The following HAUS2 variants were observed in gnomAD, a reference collection of about 807,000 sequenced individuals.
HAUS2 encodes HAUS augmin like complex subunit 2, also known as HAUS augmin-like complex subunit 2.
HAUS2 carries 20 observed loss-of-function variants against 21.6 expected under a neutral mutation model. The ratio of observed to expected loss-of-function variants is 0.93; its 90% CI spans 0.65 to 1.35. The LOEUF (loss-of-function observed/expected upper bound fraction) is 1.35, where lower values mean the gene tolerates loss of function less well. HAUS2 is among the 40% of genes most tolerant of loss of function. The probability of loss-of-function intolerance (pLI) is 0.00; values close to 1 mark genes in which losing one functional copy is unlikely to be tolerated. For synonymous variants in HAUS2, 113 were observed against 95.6 expected, an observed-to-expected ratio of 1.18 and a Z score of -1.06; for missense variants, 297 against 280.7, an observed-to-expected ratio of 1.06 and a Z score of -0.42.
chr15:42,558,394 C>T (rs1032736917), intron 2 of HAUS2, 104 bp downstream of exon 2: 25 of 555,174 alleles, frequency 4.5e-5, no homozygotes, highest in African/African-American at 3.6e-4. Flanking sequence ...GTGGCACAAT[C>T]TCGGCTCACT....
At position 42,557,502 on chromosome 15, in the gene HAUS2, T is replaced by C. The variant is rs150941421; in HGVS notation, c.94-696T>C. On this transcript the variant is annotated intron_variant, in intron 1 of 5. Transcript: ENST00000260372. ...TTATATATAATATATACATTGTATA[T>C]AATGTATATATTATATATATATGAA... 1.9e-3 allele frequency among the ~76,000 whole-genome samples: 208 copies of C among 110,536 alleles called. 4 individuals carry two copies. The highest frequency in any genetic ancestry group is 4.2e-3 in the Middle Eastern group (1 of 238). The allele number at this position is 110,536 out of a possible 152,430, so 72.5% of individuals were successfully genotyped here. A position where few individuals can be genotyped will look rare whatever the true frequency, so the allele number is the denominator to read the frequency against.
At chr15:42,549,023 C>T in intron 1 of HAUS2, 58 bp downstream of exon 1, 1 of 1,100,678 alleles carries the variant, frequency 9.1e-7, no homozygotes, top group South Asian at 1.3e-5. Flanking sequence ...AACAATATGG[C>T]TGTGAGTTGG....
chr15:42,559,298 C>A, intron 2 of HAUS2, 41 bp from the exon 3 acceptor site: 1 of 1,262,064 alleles, frequency 7.9e-7, no homozygotes, highest in Non-Finnish European at 1.2e-6. Context: ...GCCATGGACA[C>A]TTTCTGATTG....
At chr15:42,555,880 A>C (rs963667229) in intron 1 of HAUS2, among the ~76,000 whole-genome samples, 1 of 152,224 alleles carries the variant, frequency 6.6e-6, no homozygotes, top group Non-Finnish European at 1.5e-5. Flanking sequence ...GATAGTGTGT[A>C]AATGGATGAG....
At chr15:42,553,721 A>T (rs1464436372) in intron 1 of HAUS2, among the ~76,000 whole-genome samples, 2 of 152,312 alleles carry the variant, frequency 1.3e-5, no homozygotes, top group African/African-American at 4.8e-5. Context: ...TGAACCCGAC[A>T]GTTTACTAGT....
Position 42,561,330 on chromosome 15 carries a change from A to G in HAUS2, c.317A>G (p.Lys106Arg), listed in dbSNP as rs770081724. 1.3e-6 allele frequency: 2 copies of G among 1,560,026 alleles called. No individual in the cohort carries two copies. Among genetic ancestry groups the G allele is most frequent in the South Asian group, 1.1e-5 (1 of 89,996 alleles). ...NNHLEAVLKEKRSLRQRLLKP... is the reference protein window; with the variant it reads ...NNHLEAVLKERRSLRQRLLKP... ...CATTTGGAAGCAGTGCTGAAAGAGA[A>G]GAGATCCCTTAGGCAAAGACTGTTG... is the stretch of plus-strand genomic sequence containing the variant. The change falls in exon 4 of 6, where the codon AAG (lysine) becomes AGG (arginine). Residue 106 changes from lysine to arginine, a missense_variant. Lys to Arg is a conservative substitution (Grantham distance 26). Coordinates refer to ENST00000260372, the MANE Select transcript of HAUS2 (RefSeq NM_018097.3).
chr15:42,558,026 G>A (rs1306301410), intron 1 of HAUS2, among the ~76,000 whole-genome samples, 172 bp from the exon 2 acceptor site: 1 of 151,982 alleles, frequency 6.6e-6, no homozygotes, highest in East Asian at 1.9e-4. Flanking sequence ...TTGTGATGGT[G>A]AAGGTTCTAA....
At chr15:42,564,039 G>T (rs1185490579) in intron 5 of HAUS2, among the ~76,000 whole-genome samples, 182 bp downstream of exon 5, 1 of 152,074 alleles carries the variant, frequency 6.6e-6, no homozygotes, top group Non-Finnish European at 1.5e-5. Flanking sequence ...GCCACAACGG[G>T]TGGATCACTT....
intron 1 of HAUS2, among the ~76,000 whole-genome samples, chr15:42,549,908 G>T (rs1334519954): frequency 1.3e-5 from 2 of 151,878 alleles, no homozygotes; most frequent in African/African-American, 2.4e-5. Flanking sequence ...GGTTGGGCAA[G>T]AGGAGCATGT....
intron 2 of HAUS2, among the ~76,000 whole-genome samples, chr15:42,558,528 C>T (rs1462835511): frequency 3.3e-5 from 5 of 151,790 alleles, no homozygotes; most frequent in Non-Finnish European, 7.4e-5. Context: ...GGGGTTTCAC[C>T]ATGTTAGCCA....
intron 5 of HAUS2, among the ~76,000 whole-genome samples, chr15:42,564,940 A>T (rs1404823709): frequency 1.3e-5 from 2 of 152,132 alleles, no homozygotes; most frequent in Non-Finnish European, 2.9e-5. Context: ...GGTTCAAGCG[A>T]TTCTCCTGCC....
chr15:42,559,276 C>T (rs1595552606), intron 2 of HAUS2, 63 bp from the exon 3 acceptor site: 1 of 927,034 alleles, frequency 1.1e-6, no homozygotes, highest in East Asian at 2.4e-5. Context: ...CAGGAGTGAG[C>T]CACCGCACCT....
chr15:42,567,400 C>CA lies in HAUS2; in HGVS notation c.*592dup, dbSNP rs531873864. ...TGGGCGACACAGTAAGACCCTGTCT[C>CA]AAAAAAAAGAAGTGTGTTTCTGGCC... is the stretch of plus-strand genomic sequence containing the variant. On this transcript the variant is annotated 3_prime_UTR_variant, in exon 6 of 6. Transcript: ENST00000260372. The CA allele has an allele frequency of 4.6e-5, 7 of 152,612 alleles. No homozygotes were observed. Among genetic ancestry groups the CA allele is most frequent in the East Asian group, 3.9e-4 (2 of 5,188 alleles). 9.5% of individuals were successfully genotyped at this position (152,612 alleles called of 1,614,324 possible).
intron 1 of HAUS2, 75 bp from the exon 2 acceptor site, chr15:42,558,123 T>C (rs767497551): frequency 1.4e-6 from 1 of 691,292 alleles, no homozygotes; most frequent in Admixed American, 2.5e-5. Flanking sequence ...TATTTTAGAC[T>C]ATGGGCATGC....
chr15:42,560,241 T>C (rs2057834842), intron 3 of HAUS2, among the ~76,000 whole-genome samples: 1 of 152,200 alleles, frequency 6.6e-6, no homozygotes, highest in African/African-American at 2.4e-5. Context: ...ATTGGTAGTA[T>C]TGTATTAATG....
intron 3 of HAUS2, among the ~76,000 whole-genome samples, chr15:42,560,595 T>C (rs2057839083): frequency 6.6e-6 from 1 of 151,576 alleles, no homozygotes; most frequent in Non-Finnish European, 1.5e-5. Flanking sequence ...AATAATGAGA[T>C]AATCAGAAAT....
intron 1 of HAUS2, 77 bp downstream of exon 1, chr15:42,549,042 G>A (rs769559137): frequency 2.8e-5 from 26 of 939,620 alleles, no homozygotes; most frequent in Non-Finnish European, 4.0e-5. Flanking sequence ...GGTGCTGCTG[G>A]CTGTGGGAGT....
intron 4 of HAUS2, among the ~76,000 whole-genome samples, chr15:42,562,859 G>A (rs56069741): frequency 0.12 from 17,709 of 151,980 alleles, 1,164 homozygotes; most frequent in Non-Finnish European, 0.15. Flanking sequence ...CTGTAATCCC[G>A]GTAATTTGGG....
intron 5 of HAUS2, among the ~76,000 whole-genome samples, chr15:42,564,287 G>A (rs975235125): frequency 4.9e-5 from 7 of 144,006 alleles, no homozygotes; most frequent in Non-Finnish European, 7.6e-5. Context: ...AAAAAAAAAA[G>A]AAGAAGAAGT....
Sources: gnomAD v4.1 joint callset for allele counts (sites outside exome capture counted in the v4.1 genomes callset) on GRCh38, gnomAD v4.1.1 for gene constraint, MANE v1.5 for transcripts, NCBI Gene and HGNC (gene_info 2026-07-23, HGNC 2026-07-21) for gene names.